Variants in KCNH5 observed in about 807,000 individuals in gnomAD.
KCNH5 encodes voltage-gated delayed rectifier potassium channel KCNH5.
Under a neutral mutation model 96.1 loss-of-function variants are expected in KCNH5, and 46 were observed. The ratio of observed to expected loss-of-function variants is 0.48; its 90% CI spans 0.38 to 0.61. KCNH5 has a LOEUF of 0.61. Ranked by LOEUF, KCNH5 falls within the 20% of genes least tolerant of loss-of-function variation. The pLI is 0.00. For missense variants in KCNH5, 907 were observed against 1,225.8 expected (o/e 0.74, Z 3.88); for synonymous variants, 439 against 449.8 (o/e 0.98, Z 0.30).
At chr14:62,974,816 T>C (rs537560399) in intron 6 of KCNH5, among the ~76,000 whole-genome samples, 38 of 152,308 alleles carry the variant, frequency 2.5e-4, no homozygotes, top group Non-Finnish European at 4.4e-4. Flanking sequence ...TGCTAACATT[T>C]TACTGCTTCA....
intron 7 of KCNH5, among the ~76,000 whole-genome samples, chr14:62,928,843 A>C (rs900046668): frequency 6.6e-6 from 1 of 152,068 alleles, no homozygotes; most frequent in Admixed American, 6.6e-5. Flanking sequence ...TGACCACTAC[A>C]TATTGCAATG....
intron 7 of KCNH5, among the ~76,000 whole-genome samples, chr14:62,881,007 C>T (rs1177406174): frequency 1.3e-5 from 2 of 152,154 alleles, no homozygotes; most frequent in Non-Finnish European, 2.9e-5. Context: ...AAAACTACAG[C>T]CATTTTATAA....
chr14:62,753,208 A>T (rs945759509), intron 10 of KCNH5, among the ~76,000 whole-genome samples: 1 of 152,240 alleles, frequency 6.6e-6, no homozygotes, highest in African/African-American at 2.4e-5. Context: ...TGCAAATGAC[A>T]TACTGATGAA....
chr14:62,736,179 A>G (rs1885151721), intron 10 of KCNH5, among the ~76,000 whole-genome samples: 1 of 152,046 alleles, frequency 6.6e-6, no homozygotes, highest in East Asian at 1.9e-4. Context: ...CCTATTCTAC[A>G]CTTCTGCATC....
chr14:62,749,214 C>T (rs1885444241), intron 10 of KCNH5, among the ~76,000 whole-genome samples: 1 of 152,176 alleles, frequency 6.6e-6, no homozygotes, highest in Non-Finnish European at 1.5e-5. Context: ...AAGTAGAATG[C>T]CAATCCATAT....
intron 7 of KCNH5, among the ~76,000 whole-genome samples, chr14:62,925,851 T>C (rs1316058235): frequency 6.6e-6 from 1 of 151,970 alleles, no homozygotes; most frequent in Non-Finnish European, 1.5e-5. Context: ...TGACATAAAA[T>C]TAAAGAAGAA....
At chr14:62,712,671 C>T (rs376027189) in intron 10 of KCNH5, 30 of 778,158 alleles carry the variant, frequency 3.9e-5, no homozygotes, top group Non-Finnish European at 6.7e-5. Context: ...CAGTTTCACA[C>T]CCAGCAGGTC....
intron 10 of KCNH5, among the ~76,000 whole-genome samples, chr14:62,773,630 T>C (rs1886036296): frequency 6.6e-6 from 1 of 152,194 alleles, no homozygotes; most frequent in African/African-American, 2.4e-5. Flanking sequence ...AAACAGCAAA[T>C]AAAATTCCTC....
intron 7 of KCNH5, among the ~76,000 whole-genome samples, chr14:62,943,198 G>C (rs369075423): frequency 6.6e-6 from 1 of 151,896 alleles, no homozygotes; most frequent in Non-Finnish European, 1.5e-5. Flanking sequence ...CCCTTATAAC[G>C]GCTGGATTAA....
intron 8 of KCNH5, among the ~76,000 whole-genome samples, chr14:62,821,053 T>G (rs1595638565): frequency 6.6e-6 from 1 of 152,170 alleles, no homozygotes; most frequent in South Asian, 2.1e-4. Flanking sequence ...CATCTATTAC[T>G]TTTTGACTTT....
chr14:62,710,022 T>A (rs1884535332), intron 10 of KCNH5, among the ~76,000 whole-genome samples: 1 of 152,162 alleles, frequency 6.6e-6, no homozygotes, highest in Non-Finnish European at 1.5e-5. Context: ...ATACGTTGGT[T>A]CTCTCTCCTT....
intron 9 of KCNH5, among the ~76,000 whole-genome samples, chr14:62,794,317 T>G (rs1399882487): frequency 6.6e-6 from 1 of 151,936 alleles, no homozygotes; most frequent in African/African-American, 2.4e-5. Flanking sequence ...TTATTTTCCA[T>G]TAAGATTAAA....
At chr14:62,991,350 G>T (rs1890804629) in intron 4 of KCNH5, among the ~76,000 whole-genome samples, 1 of 151,960 alleles carries the variant, frequency 6.6e-6, no homozygotes, top group Non-Finnish European at 1.5e-5. Context: ...AGGAATTCTG[G>T]AAGTGTTAAG....
intron 7 of KCNH5, among the ~76,000 whole-genome samples, chr14:62,936,674 CA>C (rs3080873): frequency 0.12 from 14,301 of 118,526 alleles, 638 homozygotes; most frequent in East Asian, 0.3. Flanking sequence ...GACCCTGCCT[CA>C]AAAAAAAAAA....
rs766919022 is a variant in KCNH5, at chr14:62,846,789, C to CTT, written c.1569+2862_1569+2863dup. 3.4e-3 allele frequency among the ~76,000 whole-genome samples: 228 copies of CTT among 67,480 alleles called. 75 individuals are homozygous for CTT. The highest frequency in any genetic ancestry group is 0.031 in the Middle Eastern group (3 of 96). The allele number at this position is 67,480 out of a possible 152,430, so 44.3% of individuals were successfully genotyped here. On this transcript the variant is annotated intron_variant, in intron 8 of 10. Transcript: ENST00000322893. ...ATTGTATTGTATTATTGTATTGTAT[C>CTT]TTTTTTTTTTTTTTTTTTTTTTTTT...
At chr14:62,739,799 G>C (rs1023868035) in intron 10 of KCNH5, among the ~76,000 whole-genome samples, 35 of 152,072 alleles carry the variant, frequency 2.3e-4, no homozygotes, top group Admixed American at 1.3e-4. Flanking sequence ...AAACCTGCAG[G>C]GTGCTTGAAG....
chr14:63,023,020 A>G (rs1163108259), intron 1 of KCNH5, among the ~76,000 whole-genome samples: 2 of 151,982 alleles, frequency 1.3e-5, no homozygotes, highest in Non-Finnish European at 2.9e-5. Context: ...CCTAGCCAAC[A>G]TGGTGACACC....
intron 7 of KCNH5, among the ~76,000 whole-genome samples, chr14:62,879,408 C>A (rs757957154): frequency 6.6e-6 from 1 of 152,046 alleles, no homozygotes; most frequent in African/African-American, 2.4e-5. Context: ...CCAGCAATAA[C>A]CCCAGAGACT....
chr14:62,939,088 C>G (rs80194194), intron 7 of KCNH5, among the ~76,000 whole-genome samples: 1 of 152,124 alleles, frequency 6.6e-6, no homozygotes, highest in East Asian at 1.9e-4. Context: ...GTGGCTCTCT[C>G]CCCTCAACTA....
Sources: gnomAD v4.1 joint callset for allele counts (sites outside exome capture counted in the v4.1 genomes callset) on GRCh38, gnomAD v4.1.1 for gene constraint, MANE v1.5 for transcripts, NCBI Gene and HGNC (gene_info 2026-07-23, HGNC 2026-07-21) for gene names.